Variants in KIRREL3 observed in about 807,000 individuals in gnomAD.
The protein encoded by KIRREL3 is kin of IRRE-like protein 3.
A neutral mutation model predicts 89.7 loss-of-function variants in KIRREL3; 36 were observed. The observed-to-expected ratio is 0.40, with a 90% confidence interval of 0.31 to 0.53. The LOEUF is 0.53. Ranked by LOEUF, KIRREL3 falls within the 20% of genes least tolerant of loss-of-function variation. The probability of loss-of-function intolerance (pLI) is 0.49; values close to 1 mark genes in which losing one functional copy is unlikely to be tolerated. For synonymous variants in KIRREL3, 445 were observed against 441.4 expected, an observed-to-expected ratio of 1.01 and a Z score of -0.10; for missense variants, 864 against 1,056.6, an observed-to-expected ratio of 0.82 and a Z score of 2.53.
intron 1 of KIRREL3, among the ~76,000 whole-genome samples, chr11:126,619,529 T>C (rs1191605899): frequency 6.6e-6 from 1 of 152,240 alleles, no homozygotes; most frequent in Non-Finnish European, 1.5e-5. Flanking sequence ...GCACTTCTAA[T>C]TGTTGGAAGG....
In KIRREL3 at chr11:126,981,221, A is replaced by C. The variant is rs1031974547; in HGVS notation, c.55+19234T>G. On this transcript the variant is annotated intron_variant, in intron 1 of 16. Transcript: ENST00000525144. The surrounding 1 kb of genome is among the most constrained non-coding windows in gnomAD (Gnocchi z 4.2). ...AAAGCATGGCCCGTTGGACCACAGC[A>C]AGACCTTCTTATTTTTGCAAGCTAT... Among the ~76,000 whole-genome samples the C allele has an allele frequency of 6.6e-6, 1 of 152,212 alleles. No individual in the cohort carries two copies. Among genetic ancestry groups the C allele is most frequent in the Non-Finnish European group, 1.5e-5 (1 of 68,048 alleles).
chr11:126,632,073 T>G (rs1336055558), intron 1 of KIRREL3, among the ~76,000 whole-genome samples: 1 of 152,204 alleles, frequency 6.6e-6, no homozygotes, highest in African/African-American at 2.4e-5. Flanking sequence ...TCACATAGAT[T>G]ACTGGGCCCC....
Position 126,656,129 on chromosome 11 carries a change from C to A in KIRREL3, c.56-93217G>T, listed in dbSNP as rs999511734. On this transcript the variant is annotated intron_variant, in intron 1 of 16. Coordinates refer to ENST00000525144, the MANE Select transcript of KIRREL3 (RefSeq NM_032531.4). The surrounding 1 kb of genome is among the most constrained non-coding windows in gnomAD (Gnocchi z 4.0). ...AAGGAATAAGAAACTAGTGCTGTCT[C>A]GGGAACCAGCAACACAGATGTTCCC... 1 of 455,994 alleles carries A rather than the reference C, an allele frequency of 2.2e-6. No individual in the cohort carries two copies. The highest frequency in any genetic ancestry group is 7.0e-5 in the East Asian group (1 of 14,386). 28.2% of individuals were successfully genotyped at this position (455,994 alleles called of 1,614,324 possible).
intron 11 of KIRREL3, 166 bp downstream of exon 11, chr11:126,440,283 G>T (rs150960524): frequency 1.4e-6 from 1 of 718,666 alleles, no homozygotes; most frequent in Non-Finnish European, 2.5e-6. Flanking sequence ...GCCTGCAATT[G>T]TGTCTTCACG....
rs1945558796 is a variant in KIRREL3, at chr11:126,664,396, T to C, written c.56-101484A>G. Among the ~76,000 whole-genome samples, 1 of 152,152 alleles carries C rather than the reference T, an allele frequency of 6.6e-6. No individual in the cohort carries two copies. Among genetic ancestry groups the C allele is most frequent in the South Asian group, 2.1e-4 (1 of 4,828 alleles). ...CGCAGAGGCAGAGAGTGAAGTCTAG[T>C]GAGACCACACGGACATGGACTTTCC... On this transcript the variant is annotated intron_variant, in intron 1 of 16. Coordinates refer to ENST00000525144, the MANE Select transcript of KIRREL3 (RefSeq NM_032531.4). The surrounding 1 kb of genome is among the most constrained non-coding windows in gnomAD (Gnocchi z 5.4).
In KIRREL3 at chr11:126,550,172, T is replaced by C. The variant is rs1450963644; in HGVS notation, c.133+12663A>G. 1.3e-5 allele frequency: 2 copies of C among 152,144 alleles called. No individual in the cohort carries two copies. Among genetic ancestry groups the C allele is most frequent in the African/African-American group, 4.8e-5 (2 of 41,406 alleles). 9.4% of individuals were successfully genotyped at this position (152,144 alleles called of 1,614,324 possible). ...AGGCACAGAGCGGGTACTGGACACA[T>C]GGTTGGTGAATAAATGAGCATTCCG... On this transcript the variant is annotated intron_variant, in intron 2 of 16. Coordinates refer to ENST00000525144, the MANE Select transcript of KIRREL3 (RefSeq NM_032531.4). This position sits in a 1 kb window ranked among gnomAD's most constrained non-coding sequence, Gnocchi z 4.9.
At position 126,791,432 on chromosome 11, in the gene KIRREL3, G is replaced by A. The variant is rs1950637331; in HGVS notation, c.55+209023C>T. 6.6e-6 allele frequency among the ~76,000 whole-genome samples: 1 copy of A among 152,222 alleles called. No individual in the cohort carries two copies. Among genetic ancestry groups the A allele is most frequent in the Non-Finnish European group, 1.5e-5 (1 of 68,048 alleles). On this transcript the variant is annotated intron_variant, in intron 1 of 16. Transcript: ENST00000525144. The surrounding 1 kb of genome is among the most constrained non-coding windows in gnomAD (Gnocchi z 4.8). ...TCAGCTTGGCCTCAGCTTATGCGGA[G>A]TGAAAGCCCAGCCACTCCTGATGGT...
In KIRREL3 at chr11:126,773,074, C is replaced by G. The variant is rs539304557; in HGVS notation, c.56-210162G>C. Among the ~76,000 whole-genome samples the G allele has an allele frequency of 2.0e-5, 3 of 152,290 alleles. No individual in the cohort carries two copies. The highest frequency in any genetic ancestry group is 7.2e-5 in the African/African-American group (3 of 41,554). ...AGGAAAAGACTGTTGTTGACCAAAG[C>G]CATTAGCTCCTAAAATACTGGGAAT... On this transcript the variant is annotated intron_variant, in intron 1 of 16. Coordinates refer to ENST00000525144, the MANE Select transcript of KIRREL3 (RefSeq NM_032531.4). The surrounding 1 kb of genome is among the most constrained non-coding windows in gnomAD (Gnocchi z 4.2).
chr11:126,904,703 G>A lies in KIRREL3; in HGVS notation c.55+95752C>T, dbSNP rs559106156. Among the ~76,000 whole-genome samples, 4 of 152,190 alleles carry A rather than the reference G, an allele frequency of 2.6e-5. No individual in the cohort carries two copies. The South Asian group carries it at 8.3e-4, about 32-fold the overall frequency. On this transcript the variant is annotated intron_variant, in intron 1 of 16. Coordinates refer to ENST00000525144, the MANE Select transcript of KIRREL3 (RefSeq NM_032531.4). The surrounding 1 kb of genome is among the most constrained non-coding windows in gnomAD (Gnocchi z 4.4). ...TTAGCACAGCTATAGCTTGGGGGTA[G>A]GGGGTCAAAGGAGGAAGTATGCATA...
chr11:126,827,710 T>C (rs1377242095), intron 1 of KIRREL3, among the ~76,000 whole-genome samples: 1 of 152,124 alleles, frequency 6.6e-6, no homozygotes, highest in South Asian at 2.1e-4. Context: ...ATCATTTGGG[T>C]ATGTAAGTTT....
At position 126,934,502 on chromosome 11, in the gene KIRREL3, G is replaced by T. The variant is rs145027985; in HGVS notation, c.55+65953C>A. ...TTTGAAAAGACAATATTAGGAAAAT[G>T]AAAAGAGGAGCCACACACTGAGAGA... is the stretch of plus-strand genomic sequence containing the variant. On this transcript the variant is annotated intron_variant, in intron 1 of 16. Transcript: ENST00000525144. Among the ~76,000 whole-genome samples the T allele has an allele frequency of 1.8e-3, 277 of 152,188 alleles. 3 individuals are homozygous for T. In the East Asian group the frequency reaches 0.036, roughly 20 times the overall value.
chr11:126,448,948 G>A (rs1300817706), intron 8 of KIRREL3, 61 bp downstream of exon 8: 2 of 1,513,164 alleles, frequency 1.3e-6, no homozygotes, highest in East Asian at 4.6e-5. Context: ...GGTTTCTCCA[G>A]CTCTAAGCAG....
intron 1 of KIRREL3, among the ~76,000 whole-genome samples, chr11:126,702,993 T>C (rs2134122691): frequency 6.6e-6 from 1 of 152,360 alleles, no homozygotes; most frequent in Admixed American, 6.5e-5. Flanking sequence ...TGTTGCTTTT[T>C]CCTCTTGAGG....
chr11:126,518,231 G>A lies in KIRREL3; in HGVS notation c.433+3084C>T, dbSNP rs568239381. Among the ~76,000 whole-genome samples, 9 of 152,362 alleles carry A rather than the reference G, an allele frequency of 5.9e-5. No individual in the cohort carries two copies. The South Asian group carries it at 1.7e-3, about 28-fold the overall frequency. ...TAATGTGTCTGTGACTCTAGGCTTGGCTGCCAGGCCGAGTCCCCATGCCTT... is the reference window on the plus strand; with the variant it reads ...TAATGTGTCTGTGACTCTAGGCTTGACTGCCAGGCCGAGTCCCCATGCCTT... On this transcript the variant is annotated intron_variant, in intron 4 of 16. Coordinates refer to ENST00000525144, the MANE Select transcript of KIRREL3 (RefSeq NM_032531.4).
rs1473707131 is a variant in KIRREL3 at position 126,513,072 on chromosome 11, G to A, written c.433+8243C>T. 6.6e-6 allele frequency among the ~76,000 whole-genome samples: 1 copy of A among 152,068 alleles called. No individual in the cohort carries two copies. The highest frequency in any genetic ancestry group is 1.5e-5 in the Non-Finnish European group (1 of 68,006). Reference sequence around the variant, plus strand: ...AGTTTCCAATGCCCTGGGGATGGTGGTGACACACTCCAGAACTTCCCAGGG... The same window carrying A: ...AGTTTCCAATGCCCTGGGGATGGTGATGACACACTCCAGAACTTCCCAGGG... On this transcript the variant is annotated intron_variant, in intron 4 of 16. Transcript: ENST00000525144. This position sits in a 1 kb window ranked among gnomAD's most constrained non-coding sequence, Gnocchi z 5.9.
intron 4 of KIRREL3, among the ~76,000 whole-genome samples, chr11:126,510,792 AC>A (rs1400186848): frequency 6.6e-6 from 1 of 152,106 alleles, no homozygotes; most frequent in African/African-American, 2.4e-5. Flanking sequence ...GGGACTTTGC[AC>A]TGGCCATGGT....
chr11:126,438,705 G>C (rs1241422975), intron 11 of KIRREL3, among the ~76,000 whole-genome samples: 4 of 152,240 alleles, frequency 2.6e-5, no homozygotes, highest in Non-Finnish European at 5.9e-5. Flanking sequence ...GGGAGGCGTA[G>C]GTATTAGTTT....
intron 2 of KIRREL3, among the ~76,000 whole-genome samples, chr11:126,545,464 A>G (rs967279343): frequency 1.4e-4 from 21 of 152,042 alleles, no homozygotes; most frequent in Non-Finnish European, 1.3e-4. Flanking sequence ...TAAGAGATGA[A>G]TAGGGATGGA....
Position 126,888,736 on chromosome 11 carries a change from C to T in KIRREL3, c.55+111719G>A, listed in dbSNP as rs568923332. ...GTGTCCTTCAGCTCAATTCAATAAACATTGCAGACTGACCGTGGGCAAGAC... is the reference window on the plus strand; with the variant it reads ...GTGTCCTTCAGCTCAATTCAATAAATATTGCAGACTGACCGTGGGCAAGAC... On this transcript the variant is annotated intron_variant, in intron 1 of 16. Coordinates refer to ENST00000525144, the MANE Select transcript of KIRREL3 (RefSeq NM_032531.4). Among the ~76,000 whole-genome samples, 206 of 152,320 alleles carry T rather than the reference C, an allele frequency of 1.4e-3. 1 individual carries two copies. Among genetic ancestry groups the T allele is most frequent in the Middle Eastern group, 6.8e-3 (2 of 294 alleles).
Sources: allele counts gnomAD v4.1 joint callset (sites outside exome capture counted in the v4.1 genomes callset), GRCh38; gene constraint gnomAD v4.1.1; non-coding constraint Gnocchi (gnomAD v3.1); transcripts MANE v1.5; gene names NCBI Gene and HGNC (gene_info 2026-07-23, HGNC 2026-07-21).